The following BRCA1 variants were observed in gnomAD, a reference collection of about 807,000 sequenced individuals.
The protein encoded by BRCA1 is BRCA1 DNA repair associated.
BRCA1 carries 140 observed loss-of-function variants against 173.7 expected under a neutral mutation model. That is an observed-to-expected ratio of 0.81 (90% CI 0.70 to 0.93). The LOEUF is 0.93. BRCA1 is among the 40% of genes least tolerant of loss of function. BRCA1 has a pLI of 0.00. For synonymous variants in BRCA1, 662 were observed against 756.0 expected (o/e 0.88, Z 2.04); for missense variants, 1,983 against 2,172.5 (o/e 0.91, Z 1.73).
chr17:43,142,402 T>A (rs2154581463), intron 1 of BRCA1: 1 of 152,424 alleles, frequency 6.6e-6, no homozygotes, highest in South Asian at 2.1e-4. Flanking sequence ...TTATTGTTAT[T>A]GACTCTTCAA....
rs80356861 is a variant in BRCA1, at chr17:43,094,631, T to G, written c.900A>C (p.Glu300Asp). The G allele has an allele frequency of 2.5e-6, 4 of 1,614,206 alleles. No homozygotes were observed. Among genetic ancestry groups the G allele is most frequent in the Non-Finnish European group, 3.4e-6 (4 of 1,180,036 alleles). The change falls in exon 10 of 23, where the codon GAA becomes GAC. Residue 300 changes from glutamate to aspartate, a missense_variant. Coordinates refer to ENST00000357654, the MANE Select transcript of BRCA1 (RefSeq NM_007294.4). The stretch of plus-strand genomic sequence containing the variant: ...TGCTTTTATTACAGAATTCAGCCTT[T>G]TCTACATTCATTCTGTCTTTAGTGA... Reference protein sequence around the residue: ...LLLTKDRMNVEKAEFCNKSKQ... With the variant: ...LLLTKDRMNVDKAEFCNKSKQ...
chr17:43,161,923 T>C (rs2056238365), intron 1 of BRCA1: 1 of 152,176 alleles, frequency 6.6e-6, no homozygotes, highest in African/African-American at 2.4e-5. Context: ...TTCCTGGAAA[T>C]TCTGTTATTG....
At chr17:43,103,000 G>A (rs533593602) in intron 6 of BRCA1, among the ~76,000 whole-genome samples, 42 of 150,850 alleles carry the variant, frequency 2.8e-4, no homozygotes, top group African/African-American at 9.0e-4. Flanking sequence ...TGCCCAAGCT[G>A]GGCTCAAAGG....
chr17:43,059,509 A>G (rs2051654896), intron 18 of BRCA1, among the ~76,000 whole-genome samples: 1 of 151,762 alleles, frequency 6.6e-6, no homozygotes, highest in Non-Finnish European at 1.5e-5. Context: ...AACAACAACA[A>G]CAACAAATTC....
At chr17:43,119,110 G>T (rs2055428876) in intron 2 of BRCA1, 2 of 213,848 alleles carry the variant, frequency 9.4e-6, no homozygotes, top group Non-Finnish European at 1.9e-5. Flanking sequence ...AGATATCAAA[G>T]AACGACTAAC....
chr17:43,062,098 CTTTT>C (rs536209322), intron 18 of BRCA1, among the ~76,000 whole-genome samples: 1 of 146,420 alleles, frequency 6.8e-6, no homozygotes, highest in Admixed American at 6.9e-5. Flanking sequence ...CACACACACA[CTTTT>C]TTTTTTTTAA....
intron 9 of BRCA1, 74 bp downstream of exon 9, chr17:43,095,772 A>G (rs1258494237): frequency 2.4e-6 from 3 of 1,251,702 alleles, no homozygotes; most frequent in Non-Finnish European, 3.5e-6. Flanking sequence ...TGGTCTTCAG[A>G]ATAATCTAAT....
chr17:43,074,381 G>C lies in BRCA1; in HGVS notation c.4625C>G (p.Ser1542Cys), dbSNP rs41293457. The change falls in exon 14 of 23, where the codon TCT becomes TGT. Residue 1542 changes from serine to cysteine, a missense_variant. Transcript: ENST00000357654. ...VDVEEQQLEE[S>C]GPHDLTETSY... ...TGTTTCCGTCAAATCGTGTGGCCCA[G>C]ACTCTTCCAGCTGTTGCTCCTCCAC... 2.2e-5 allele frequency: 36 copies of C among 1,614,120 alleles called. No individual in the cohort carries two copies. The highest frequency in any genetic ancestry group is 3.1e-5 in the Non-Finnish European group (36 of 1,180,000).
In BRCA1 at chr17:43,094,824, G is replaced by A. The variant is rs80356990; in HGVS notation, c.707C>T (p.Thr236Ile). Residue 236 changes from threonine to isoleucine, a missense_variant, in exon 10 of 23, where the codon ACT becomes ATT. Physicochemically the swap from Thr to Ile is moderately conservative, Grantham distance 89. Transcript: ENST00000357654. ...ATTATTACTGGGTTGATGATGTTCA[G>A]TATTTGTTACATCCGTCTCAGAAAA... ...CEFSETDVTN[T>I]EHHQPSNNDL... 1 of 1,613,494 alleles carries A rather than the reference G, an allele frequency of 6.2e-7. No homozygotes were observed. The highest frequency in any genetic ancestry group is 1.3e-5 in the African/African-American group (1 of 74,830).
At chr17:43,132,414 G>A (rs1318582928) in intron 1 of BRCA1, among the ~76,000 whole-genome samples, 1 of 152,110 alleles carries the variant, frequency 6.6e-6, no homozygotes, top group African/African-American at 2.4e-5. Flanking sequence ...GGATAGAGGT[G>A]AGATCCAAAC....
rs1300975591 is a variant in BRCA1 at position 43,044,528 on chromosome 17, G to GA, written c.*1149dup. ...ATGGTTTCAGCAACAGGGAGCAAAG[G>GA]AAAAAAATCACCTCAAAGAAAGCAA... On this transcript the variant is annotated 3_prime_UTR_variant, in exon 23 of 23. Coordinates refer to ENST00000357654, the MANE Select transcript of BRCA1 (RefSeq NM_007294.4). The GA allele has an allele frequency of 2.8e-5, 14 of 506,126 alleles. No homozygotes were observed. Among genetic ancestry groups the GA allele is most frequent in the Admixed American group, 2.5e-4 (11 of 43,944 alleles). The allele number at this position is 506,126 out of a possible 1,614,324, so 31.4% of individuals were successfully genotyped here. A position where few individuals can be genotyped will look rare whatever the true frequency, so the allele number is the denominator to read the frequency against.
At chr17:43,091,080 G>A (rs776594341) in intron 10 of BRCA1, 48 bp from the exon 11 acceptor site, 17 of 1,478,414 alleles carry the variant, frequency 1.1e-5, no homozygotes, top group Admixed American at 9.2e-5. Context: ...GACTATAAAC[G>A]CTGCAACTTG....
chr17:43,114,168 A>C (rs2057594475), intron 3 of BRCA1, among the ~76,000 whole-genome samples: 1 of 151,836 alleles, frequency 6.6e-6, no homozygotes, highest in South Asian at 2.1e-4. Flanking sequence ...CCTGGCCTTA[A>C]GTGATCTTCC....
chr17:43,136,244 G>T (rs1391888470), intron 1 of BRCA1, among the ~76,000 whole-genome samples: 1 of 152,174 alleles, frequency 6.6e-6, no homozygotes, highest in Non-Finnish European at 1.5e-5. Flanking sequence ...GCAGAAAACT[G>T]AAACTGGACC....
chr17:43,154,184 T>G (rs1450529678), intron 1 of BRCA1, among the ~76,000 whole-genome samples: 1 of 151,554 alleles, frequency 6.6e-6, no homozygotes, highest in Non-Finnish European at 1.5e-5. Flanking sequence ...GAAGACTCTG[T>G]CTCAATAAAA....
rs80357200 is a variant in BRCA1, at chr17:43,092,863, C to T, written c.2668G>A (p.Gly890Arg). Residue 890 changes from glycine to arginine, a missense_variant, in exon 10 of 23, where the codon GGG becomes AGG. Physicochemically the swap from Gly to Arg is moderately radical, Grantham distance 125. Transcript: ENST00000357654. ...TTTGGACTTTGTTTCTTTAAGGACC[C>T]AGAGTGGGCAGAGAATGTTGCACAT... ...EECATFSAHSGSLKKQSPKVT... is the reference protein window; with the variant it reads ...EECATFSAHSRSLKKQSPKVT... 2 of 1,613,960 alleles carry T rather than the reference C, an allele frequency of 1.2e-6. No homozygotes were observed.
chr17:43,125,981 G>A (rs73625095), upstream of BRCA1, among the ~76,000 whole-genome samples: 1,852 of 137,308 alleles, frequency 0.013, 26 homozygotes, highest in Non-Finnish European at 0.019. Context: ...AACAGTTATG[G>A]ACTGGAGTGT....
chr17:43,075,077 A>C (rs2052651973), intron 13 of BRCA1, among the ~76,000 whole-genome samples: 1 of 151,226 alleles, frequency 6.6e-6, no homozygotes, highest in South Asian at 2.1e-4. Context: ...GGAAGGAAGG[A>C]AGGAAGGAAA....
chr17:43,133,705 G>T (rs569711010), intron 1 of BRCA1, among the ~76,000 whole-genome samples: 11 of 145,792 alleles, frequency 7.5e-5, no homozygotes, highest in African/African-American at 2.5e-4. Context: ...CATGATCTTC[G>T]CTCACTGCAA....
Sources: allele counts gnomAD v4.1 joint callset (sites outside exome capture counted in the v4.1 genomes callset), GRCh38; gene constraint gnomAD v4.1.1; transcripts MANE v1.5; gene names NCBI Gene and HGNC (gene_info 2026-07-23, HGNC 2026-07-21).